The following TANGO6 variants were observed in gnomAD, a reference collection of about 807,000 sequenced individuals.
The protein encoded by TANGO6 is transport and golgi organization 6 homolog.
In TANGO6, 90 loss-of-function variants were observed where a neutral mutation model predicts 114.2. The ratio of observed to expected loss-of-function variants is 0.79; its 90% CI spans 0.66 to 0.94. The LOEUF (loss-of-function observed/expected upper bound fraction) is 0.94. Ranked by LOEUF, TANGO6 falls within the 40% of genes least tolerant of loss-of-function variation. The probability of loss-of-function intolerance (pLI) is 0.00; values close to 1 mark genes in which losing one functional copy is unlikely to be tolerated. For missense variants in TANGO6, 1,274 were observed against 1,315.3 expected (o/e 0.97, Z 0.49); for synonymous variants, 477 against 509.8 (o/e 0.94, Z 0.87).
In TANGO6 at chr16:68,928,016, G is replaced by T. The variant is rs1217840374; in HGVS notation, c.2576G>T (p.Arg859Leu). 1.2e-6 allele frequency: 2 copies of T among 1,608,672 alleles called. No homozygotes were observed. Among genetic ancestry groups the T allele is most frequent in the East Asian group, 2.2e-5 (1 of 44,784 alleles). ...PQIPTRAAALRTLSHWIEQRE... is the reference protein window; with the variant it reads ...PQIPTRAAALLTLSHWIEQRE... ...ATTCCAACACGGGCTGCTGCCCTGC[G>T]TACTCTTTCCCACTGGATAGAGCAG... The change falls in exon 13 of 18, where the codon CGT becomes CTT. Residue 859 changes from arginine to leucine, a missense_variant. Arg to Leu is a moderately radical substitution (Grantham distance 102). This residue lies in a region of TANGO6 where 908 missense variants were observed against 910.2 expected (regional missense o/e 1.00). Transcript: ENST00000261778.
chr16:69,047,217 G>A (rs529828389), intron 17 of TANGO6, among the ~76,000 whole-genome samples: 13 of 150,878 alleles, frequency 8.6e-5, no homozygotes, highest in Admixed American at 2.0e-4. Flanking sequence ...TAGGCTGGGC[G>A]CGGTGTCTCA....
chr16:69,074,046 G>A (rs1960336184), intron 17 of TANGO6, among the ~76,000 whole-genome samples: 1 of 151,876 alleles, frequency 6.6e-6, no homozygotes, highest in African/African-American at 2.4e-5. Flanking sequence ...GAAGCTCCCT[G>A]AGAAAGCCCA....
intron 7 of TANGO6, among the ~76,000 whole-genome samples, chr16:68,895,558 C>A (rs1274554129): frequency 6.6e-6 from 1 of 151,964 alleles, no homozygotes; most frequent in East Asian, 1.9e-4. Context: ...ATTCCTGGAC[C>A]AATTATATGT....
intron 11 of TANGO6, among the ~76,000 whole-genome samples, chr16:68,910,643 G>A (rs1473612753): frequency 6.6e-6 from 1 of 152,146 alleles, no homozygotes; most frequent in African/African-American, 2.4e-5. Flanking sequence ...ATTTGGTAAT[G>A]TCACTGCTCG....
intron 14 of TANGO6, among the ~76,000 whole-genome samples, chr16:68,945,964 C>T (rs1453421265): frequency 2.4e-4 from 37 of 152,114 alleles, no homozygotes; most frequent in Non-Finnish European, 1.5e-5. Context: ...GGATTATAGG[C>T]GTGAGCCACT....
rs1365863299 is a variant in TANGO6, at chr16:68,974,184, C to T, written c.2842+16C>T. ...AGGGCATTAGGTGAGTTTTCTTGTTCCATCCACCTGGAAAAGGGTGGAGGA... is the reference window on the plus strand; with the variant it reads ...AGGGCATTAGGTGAGTTTTCTTGTTTCATCCACCTGGAAAAGGGTGGAGGA... On this transcript the variant is annotated intron_variant, in intron 15 of 17. Coordinates refer to ENST00000261778, the MANE Select transcript of TANGO6 (RefSeq NM_024562.2). 3.7e-6 allele frequency: 6 copies of T among 1,613,706 alleles called. No homozygotes were observed. The highest frequency in any genetic ancestry group is 5.1e-6 in the Non-Finnish European group (6 of 1,179,776).
chr16:68,928,557 C>T (rs749234399), intron 13 of TANGO6, among the ~76,000 whole-genome samples: 2 of 152,106 alleles, frequency 1.3e-5, no homozygotes, highest in Non-Finnish European at 2.9e-5. Flanking sequence ...GCCTCGGCCT[C>T]CCAAAGTGCT....
At chr16:68,999,275 A>G (rs1964019374) in intron 15 of TANGO6, among the ~76,000 whole-genome samples, 1 of 152,118 alleles carries the variant, frequency 6.6e-6, no homozygotes, top group South Asian at 2.1e-4. Context: ...TTTTCTTGAG[A>G]TCCCAAGATA....
At chr16:69,065,131 G>A (rs529889932) in intron 17 of TANGO6, among the ~76,000 whole-genome samples, 48 of 152,332 alleles carry the variant, frequency 3.2e-4, no homozygotes, top group African/African-American at 1.1e-3. Flanking sequence ...GTGTAGGAAA[G>A]CTGCCGCCTT....
At chr16:69,066,744 C>T (rs981066610) in intron 17 of TANGO6, among the ~76,000 whole-genome samples, 11 of 152,078 alleles carry the variant, frequency 7.2e-5, no homozygotes, top group African/African-American at 2.7e-4. Flanking sequence ...ACAATATACT[C>T]GTAAGGTAGG....
chr16:68,878,263 G>A lies in TANGO6; in HGVS notation c.1277G>A (p.Arg426Gln), dbSNP rs368561541. 1.8e-5 allele frequency: 29 copies of A among 1,607,712 alleles called. No individual in the cohort carries two copies. The highest frequency in any genetic ancestry group is 1.6e-4 in the Middle Eastern group (1 of 6,070). The change falls in exon 6 of 18, where the codon CGA becomes CAA. Residue 426 changes from arginine (R) to glutamine (Q), a missense_variant. Physicochemically the swap from Arg to Gln is conservative, Grantham distance 43. Around this residue, in one of 5 missense-constraint regions of TANGO6, gnomAD observed 908 missense variants for 910.2 expected, o/e 1.00. Coordinates refer to ENST00000261778, the MANE Select transcript of TANGO6 (RefSeq NM_024562.2). ...CAGCCAGTGTTAGCTCCTCTTCATC[G>A]ATGTTTGAATACAGCAGGTAAAGGA... is the stretch of plus-strand genomic sequence containing the variant. ...LLQPVLAPLH[R>Q]CLNTAELSES...
intron 12 of TANGO6, 109 bp from the exon 13 acceptor site, chr16:68,927,459 C>A (rs79998024): frequency 0.021 from 25,262 of 1,210,226 alleles, 358 homozygotes; most frequent in Non-Finnish European, 0.025. Flanking sequence ...ACACCATGAG[C>A]AAGATTTGAT....
intron 12 of TANGO6, among the ~76,000 whole-genome samples, chr16:68,923,127 T>G (rs1366425784): frequency 6.6e-6 from 1 of 151,112 alleles, no homozygotes; most frequent in Non-Finnish European, 1.5e-5. Flanking sequence ...TTGTATTTTT[T>G]TTTTTTTTGT....
chr16:68,992,306 A>G (rs1963952882), intron 15 of TANGO6, among the ~76,000 whole-genome samples: 1 of 152,218 alleles, frequency 6.6e-6, no homozygotes, highest in East Asian at 1.9e-4. Flanking sequence ...CCCTGGAGTC[A>G]TAACTAACTG....
At chr16:69,014,741 T>G (rs1211142946) in intron 15 of TANGO6, among the ~76,000 whole-genome samples, 1 of 151,042 alleles carries the variant, frequency 6.6e-6, no homozygotes, top group Non-Finnish European at 1.5e-5. Context: ...TAAAAAAAAT[T>G]GTAACCAGCT....
At chr16:69,054,671 A>T (rs886141916) in intron 17 of TANGO6, among the ~76,000 whole-genome samples, 1 of 151,968 alleles carries the variant, frequency 6.6e-6, no homozygotes, top group Non-Finnish European at 1.5e-5. Flanking sequence ...TGGTGGCTCA[A>T]GCCTGTAATC....
chr16:68,930,084 T>C (rs1393744491), intron 13 of TANGO6, among the ~76,000 whole-genome samples, 154 bp from the exon 14 acceptor site: 1 of 152,174 alleles, frequency 6.6e-6, no homozygotes, highest in African/African-American at 2.4e-5. Flanking sequence ...CTTAAGCATA[T>C]ATGCCATTTC....
chr16:68,864,522 A>G (rs59799366), intron 3 of TANGO6, among the ~76,000 whole-genome samples: 14,712 of 152,136 alleles, frequency 0.097, 806 homozygotes, highest in Non-Finnish European at 0.13. Context: ...TTGAGACTGC[A>G]GTGAGCTGTG....
At chr16:68,863,087 G>A (rs1302722425) in intron 3 of TANGO6, 26 bp downstream of exon 3, 1 of 1,370,506 alleles carries the variant, frequency 7.3e-7, no homozygotes. Context: ...GACTCTTGGG[G>A]GTGACTCATT....
Sources: allele counts gnomAD v4.1 joint callset (sites outside exome capture counted in the v4.1 genomes callset), GRCh38; gene constraint gnomAD v4.1.1; regional missense constraint gnomAD v4.1.1; transcripts MANE v1.5; gene names NCBI Gene and HGNC (gene_info 2026-07-23, HGNC 2026-07-21).